TCF4: variants seen among roughly 807,000 people sequenced by gnomAD.
TCF4 encodes transcription factor 4, also known as SL3-3 enhancer factor 2.
A neutral mutation model predicts 82.1 loss-of-function variants in TCF4; 3 were observed. The observed-to-expected ratio is 0.04, with a 90% confidence interval of 0.02 to 0.09. The LOEUF (loss-of-function observed/expected upper bound fraction) is 0.09, where lower values mean the gene tolerates loss of function less well. TCF4 is among the 10% of genes least tolerant of loss of function. The probability of loss-of-function intolerance (pLI) is 1.00; values close to 1 mark genes in which losing one functional copy is unlikely to be tolerated. For missense variants in TCF4, 518 were observed against 852.7 expected, an observed-to-expected ratio of 0.61 and a Z score of 4.89; for synonymous variants, 276 against 309.6, an observed-to-expected ratio of 0.89 and a Z score of 1.14.
intron 8 of TCF4, among the ~76,000 whole-genome samples, chr18:55,318,439 G>A (rs145755543): frequency 0.014 from 2,080 of 151,920 alleles, 42 homozygotes; most frequent in African/African-American, 0.047. Context: ...CAGAAGTGGT[G>A]CTTTAATTTT....
At chr18:55,531,415 G>C (rs751405691) in intron 3 of TCF4, among the ~76,000 whole-genome samples, 1 of 152,098 alleles carries the variant, frequency 6.6e-6, no homozygotes, top group African/African-American at 2.4e-5. Context: ...GTAGAGAATG[G>C]GGGAAGGAAA....
intron 3 of TCF4, among the ~76,000 whole-genome samples, chr18:55,490,707 C>T (rs1249431279): frequency 6.6e-6 from 1 of 152,100 alleles, no homozygotes; most frequent in Admixed American, 6.5e-5. Flanking sequence ...AAGGCAGACA[C>T]CATTTCCTCC....
At chr18:55,391,953 A>AACT (rs2093143591) in intron 6 of TCF4, among the ~76,000 whole-genome samples, 1 of 107,006 alleles carries the variant, frequency 9.3e-6, no homozygotes, top group African/African-American at 4.1e-5. Context: ...AAAAAAAAAA[A>AACT]TCTTTTTTTT....
At chr18:55,412,816 T>A (rs1367880560) in intron 5 of TCF4, among the ~76,000 whole-genome samples, 2 of 152,198 alleles carry the variant, frequency 1.3e-5, no homozygotes, top group African/African-American at 4.8e-5. Context: ...CTTTTAATCA[T>A]AAATTATATG....
chr18:55,525,687 T>C (rs1342185737), intron 3 of TCF4, among the ~76,000 whole-genome samples: 1 of 152,154 alleles, frequency 6.6e-6, no homozygotes, highest in Non-Finnish European at 1.5e-5. Context: ...ACTAGTTAGA[T>C]TAACAGTGAA....
chr18:55,472,141 G>A (rs1259029770), intron 3 of TCF4, among the ~76,000 whole-genome samples: 1 of 152,020 alleles, frequency 6.6e-6, no homozygotes, highest in African/African-American at 2.4e-5. Context: ...TTAAGATATG[G>A]AGTTAATTCC....
intron 3 of TCF4, among the ~76,000 whole-genome samples, chr18:55,572,630 CAA>C (rs1034662786): frequency 3.3e-5 from 5 of 152,222 alleles, no homozygotes; most frequent in Admixed American, 1.3e-4. Flanking sequence ...AGTCCACCAA[CAA>C]AGACATTCAG....
intron 3 of TCF4, among the ~76,000 whole-genome samples, chr18:55,548,929 C>T (rs1300240018): frequency 1.3e-5 from 2 of 152,236 alleles, no homozygotes; most frequent in East Asian, 3.9e-4. Flanking sequence ...AATGCAAAGG[C>T]CTAGGACATT....
chr18:55,262,192 G>A (rs1480163490), intron 11 of TCF4, among the ~76,000 whole-genome samples: 1 of 152,170 alleles, frequency 6.6e-6, no homozygotes, highest in Non-Finnish European at 1.5e-5. Context: ...ACATATTCAT[G>A]AAGCTTATCT....
rs535066730 is a variant in TCF4, at chr18:55,485,431, G to A, written c.146-21294C>T. ...TAAATCTAGACTTCATCTATCCAAC[G>A]GCAATCCTCTCCTGGCCACTCATTT... is the stretch of plus-strand genomic sequence containing the variant. On this transcript the variant is annotated intron_variant, in intron 3 of 19. Transcript: ENST00000354452. Among the ~76,000 whole-genome samples, 11 of 152,218 alleles carry A rather than the reference G, an allele frequency of 7.2e-5. No individual in the cohort carries two copies. In the South Asian group the frequency reaches 1.2e-3, roughly 17 times the overall value.
chr18:55,453,897 A>T (rs963141956), intron 5 of TCF4, among the ~76,000 whole-genome samples: 1 of 151,904 alleles, frequency 6.6e-6, no homozygotes, highest in African/African-American at 2.4e-5. Flanking sequence ...TCTGTCACCC[A>T]GGCTGGAGTG....
At chr18:55,312,970 T>C (rs984622149) in intron 8 of TCF4, among the ~76,000 whole-genome samples, 2 of 152,174 alleles carry the variant, frequency 1.3e-5, no homozygotes, top group African/African-American at 4.8e-5. Context: ...AATTTGAGCA[T>C]ACAAGTTTCT....
chr18:55,365,191 A>ATATATATATGTGTG (rs1361444592), intron 6 of TCF4, among the ~76,000 whole-genome samples: 1 of 97,946 alleles, frequency 1.0e-5, no homozygotes, highest in African/African-American at 5.0e-5. Context: ...ATATATATAT[A>ATATATATATGTGTG]TGTGTGTGTG....
At chr18:55,619,524 CATT>C (rs1603625522) in intron 2 of TCF4, among the ~76,000 whole-genome samples, 2 of 152,070 alleles carry the variant, frequency 1.3e-5, no homozygotes, top group Non-Finnish European at 2.9e-5. Flanking sequence ...TAATTTCAGA[CATT>C]GTTGTTTTCA....
chr18:55,274,869 G>C (rs2061141078), intron 10 of TCF4, among the ~76,000 whole-genome samples: 1 of 152,068 alleles, frequency 6.6e-6, no homozygotes, highest in South Asian at 2.1e-4. Context: ...GATATTTAAG[G>C]CTAGAAGAAA....
intron 3 of TCF4, among the ~76,000 whole-genome samples, chr18:55,505,706 A>AG (rs2096749644): frequency 6.8e-6 from 1 of 147,146 alleles, no homozygotes; most frequent in Non-Finnish European, 1.5e-5. Context: ...TGGGGGGCTG[A>AG]GGCAGGAGAA....
intron 8 of TCF4, among the ~76,000 whole-genome samples, chr18:55,348,298 T>A (rs896564978): frequency 6.6e-6 from 1 of 152,132 alleles, no homozygotes; most frequent in African/African-American, 2.4e-5. Context: ...CTCAAAAAAT[T>A]GCAATAAAAA....
rs926564396 is a variant in TCF4 at position 55,288,030 on chromosome 18, T to A, written c.550-8374A>T. Among the ~76,000 whole-genome samples, 9 of 152,192 alleles carry A rather than the reference T, an allele frequency of 5.9e-5. No homozygotes were observed. The South Asian group carries it at 1.9e-3, about 32-fold the overall frequency. On this transcript the variant is annotated intron_variant, in intron 8 of 19. Coordinates refer to ENST00000354452, the MANE Select transcript of TCF4 (RefSeq NM_001083962.2). Reference sequence around the variant, plus strand: ...AAAGAATAATATTACAAATTAAATCTGCAGAGTGGCTCACTATTTTGGAAG... The same window carrying A: ...AAAGAATAATATTACAAATTAAATCAGCAGAGTGGCTCACTATTTTGGAAG...
chr18:55,460,874 C>T, intron 5 of TCF4, 145 bp downstream of exon 5: 1 of 720,946 alleles, frequency 1.4e-6, no homozygotes, highest in Non-Finnish European at 2.4e-6. Flanking sequence ...ACTGCCAATC[C>T]TCTCTGCAAT....
Sources: allele counts gnomAD v4.1 joint callset (sites outside exome capture counted in the v4.1 genomes callset), GRCh38; gene constraint gnomAD v4.1.1; transcripts MANE v1.5; gene names NCBI Gene and HGNC (gene_info 2026-07-23, HGNC 2026-07-21).